Variants in PPARGC1A observed in about 807,000 individuals in gnomAD.
The protein encoded by PPARGC1A is peroxisome proliferator-activated receptor gamma coactivator 1-alpha.
In PPARGC1A, 25 loss-of-function variants were observed where a neutral mutation model predicts 88.7. The ratio of observed to expected loss-of-function variants is 0.28; its 90% CI spans 0.21 to 0.39. The LOEUF is 0.39. Ranked by LOEUF, PPARGC1A falls within the 10% of genes least tolerant of loss-of-function variation. The pLI is 1.00. For synonymous variants in PPARGC1A, 363 were observed against 355.6 expected (o/e 1.02, Z -0.24); for missense variants, 880 against 968.7 (o/e 0.91, Z 1.22).
At chr4:24,171,514 C>T in the PPARGC1A span, among the ~76,000 whole-genome samples, 65 of 152,156 alleles carry the variant, frequency 4.3e-4, no homozygotes, top group African/African-American at 1.4e-3. Flanking sequence ...ATATATGGTC[C>T]TGATTTTTTT....
chr4:24,381,368 G>C, the PPARGC1A span, among the ~76,000 whole-genome samples: 1 of 152,158 alleles, frequency 6.6e-6, no homozygotes, highest in East Asian at 1.9e-4. Context: ...GGGAAAGAAA[G>C]CACCAAAATT....
At chr4:24,291,989 C>A in the PPARGC1A span, among the ~76,000 whole-genome samples, 1 of 152,128 alleles carries the variant, frequency 6.6e-6, no homozygotes, top group Non-Finnish European at 1.5e-5. Flanking sequence ...TGTTGAGCAG[C>A]ACAGAAAACC....
At chr4:24,106,745 C>T in the PPARGC1A span, among the ~76,000 whole-genome samples, 1 of 152,184 alleles carries the variant, frequency 6.6e-6, no homozygotes, top group South Asian at 2.1e-4. Context: ...GTGCCTTGTC[C>T]CTTGCTTCGG....
the PPARGC1A span, among the ~76,000 whole-genome samples, chr4:24,128,962 C>A: frequency 4.6e-5 from 7 of 152,194 alleles, no homozygotes; most frequent in African/African-American, 1.7e-4. Context: ...AGGTGGGGAA[C>A]CCACAAACTT....
At chr4:23,966,803 C>G in the PPARGC1A span, among the ~76,000 whole-genome samples, 2 of 152,276 alleles carry the variant, frequency 1.3e-5, no homozygotes, top group East Asian at 3.9e-4. Flanking sequence ...ATGCCTCAAC[C>G]ATTACAGCAA....
At chr4:23,892,303 A>T (rs758015523), upstream of PPARGC1A, among the ~76,000 whole-genome samples, 4 of 152,156 alleles carry the variant, frequency 2.6e-5, no homozygotes, top group Non-Finnish European at 2.9e-5. Context: ...CACTATCACA[A>T]AGAGGATGGA....
At chr4:24,158,922 C>A in the PPARGC1A span, among the ~76,000 whole-genome samples, 1 of 152,164 alleles carries the variant, frequency 6.6e-6, no homozygotes, top group Admixed American at 6.5e-5. Context: ...CCTTTTCCTA[C>A]ATCTTATCAC....
At chr4:23,942,826 A>T in the PPARGC1A span, among the ~76,000 whole-genome samples, 1 of 151,962 alleles carries the variant, frequency 6.6e-6, no homozygotes, top group Admixed American at 6.6e-5. Context: ...GCACCAATAA[A>T]CTCTCCATCT....
At chr4:24,431,187 T>G in the PPARGC1A span, among the ~76,000 whole-genome samples, 1 of 150,460 alleles carries the variant, frequency 6.6e-6, no homozygotes. Context: ...TAGGACCAAG[T>G]CCTGGCCATT....
At chr4:24,073,398 C>T in the PPARGC1A span, among the ~76,000 whole-genome samples, 1 of 152,122 alleles carries the variant, frequency 6.6e-6, no homozygotes, top group African/African-American at 2.4e-5. Flanking sequence ...TTTTAAACTA[C>T]CTTCTTGAAA....
intron 2 of PPARGC1A, among the ~76,000 whole-genome samples, chr4:23,862,742 A>G (rs1003799709): frequency 1.3e-5 from 2 of 152,216 alleles, no homozygotes; most frequent in Non-Finnish European, 2.9e-5. Context: ...TGGCAAGAAG[A>G]AGCCTGGCGA....
intron 2 of PPARGC1A, among the ~76,000 whole-genome samples, chr4:23,878,715 C>T (rs1242027579): frequency 5.3e-5 from 8 of 152,088 alleles, no homozygotes; most frequent in African/African-American, 1.7e-4. Flanking sequence ...CAAGATAAGC[C>T]GACAGGAGAG....
At chr4:24,400,867 G>C in the PPARGC1A span, among the ~76,000 whole-genome samples, 2 of 152,072 alleles carry the variant, frequency 1.3e-5, no homozygotes, top group Non-Finnish European at 2.9e-5. Context: ...CCAAGTGACT[G>C]AAACTAAAAT....
the PPARGC1A span, among the ~76,000 whole-genome samples, chr4:24,331,115 C>G: frequency 1.3e-5 from 2 of 152,166 alleles, no homozygotes; most frequent in Non-Finnish European, 2.9e-5. Context: ...AAGGTCAAGA[C>G]TAAATCTCCT....
chr4:24,288,245 G>T, the PPARGC1A span, among the ~76,000 whole-genome samples: 1 of 152,102 alleles, frequency 6.6e-6, no homozygotes, highest in South Asian at 2.1e-4. Context: ...GTCTCCCAGG[G>T]GCAAAGAGCT....
chr4:24,472,896 G>C, the PPARGC1A span, among the ~76,000 whole-genome samples: 1 of 150,376 alleles, frequency 6.6e-6, no homozygotes, highest in African/African-American at 2.5e-5. The surrounding 1 kb of genome is among the most constrained non-coding windows in gnomAD (Gnocchi z 4.5). Context: ...GCGAGCGGGC[G>C]GGCGTGTGCG....
At chr4:24,183,724 C>G in the PPARGC1A span, among the ~76,000 whole-genome samples, 1 of 152,120 alleles carries the variant, frequency 6.6e-6, no homozygotes, top group Non-Finnish European at 1.5e-5. Flanking sequence ...GACCTTGTTA[C>G]CTATATCTGG....
At chr4:24,248,187 T>C in the PPARGC1A span, among the ~76,000 whole-genome samples, 2 of 152,038 alleles carry the variant, frequency 1.3e-5, no homozygotes, top group Admixed American at 6.5e-5. Context: ...TGCAGTGGCG[T>C]TATCTCGGCT....
the PPARGC1A span, among the ~76,000 whole-genome samples, chr4:24,098,912 A>T: frequency 6.6e-6 from 1 of 152,206 alleles, no homozygotes; most frequent in South Asian, 2.1e-4. Flanking sequence ...TGATTTGCAA[A>T]GAATCAAATA....
Sources: allele counts gnomAD v4.1 joint callset (sites outside exome capture counted in the v4.1 genomes callset), GRCh38; gene constraint gnomAD v4.1.1; non-coding constraint Gnocchi (gnomAD v3.1); transcripts MANE v1.5; gene names NCBI Gene and HGNC (gene_info 2026-07-23, HGNC 2026-07-21).